TRMT11: variants seen among roughly 807,000 people sequenced by gnomAD.
TRMT11 encodes tRNA (guanine(10)-N(2))-methyltransferase TRMT11.
TRMT11 carries 53 observed loss-of-function variants against 62.8 expected under a neutral mutation model. That is an observed-to-expected ratio of 0.84 (90% confidence interval 0.68 to 1.06). The LOEUF (loss-of-function observed/expected upper bound fraction) is 1.06. Ranked by LOEUF, TRMT11 falls within the 50% of genes least tolerant of loss-of-function variation. TRMT11 has a pLI of 0.00. For synonymous variants in TRMT11, 188 were observed against 190.3 expected (o/e 0.99, Z 0.10); for missense variants, 556 against 553.4 (o/e 1.00, Z -0.05).
chr6:126,229,853 T>G, the TRMT11 span, among the ~76,000 whole-genome samples: 1 of 152,188 alleles, frequency 6.6e-6, no homozygotes, highest in Non-Finnish European at 1.5e-5. Context: ...AGAAGTTATA[T>G]TATGTAGTCT....
chr6:125,986,544 A>C lies in TRMT11; in HGVS notation c.-7A>C. The C allele has an allele frequency of 6.3e-7, 1 of 1,585,244 alleles. No homozygotes were observed. The highest frequency in any genetic ancestry group is 8.6e-7 in the Non-Finnish European group (1 of 1,168,366). The stretch of plus-strand genomic sequence containing the variant: ...CGGGCCGCGCAGGCGCACGGTGGGC[A>C]GCTGCAATGGCGCTGTCGTGTACCC... On this transcript the variant is annotated 5_prime_UTR_variant, in exon 1 of 13. Transcript: ENST00000334379.
intron 16 of TRMT11, among the ~76,000 whole-genome samples, chr6:126,050,431 A>T (rs1217136455): frequency 6.6e-6 from 1 of 152,016 alleles, no homozygotes; most frequent in African/African-American, 2.4e-5. Context: ...TGTCAGTTGC[A>T]GTGGCTCACG....
upstream of TRMT11, among the ~76,000 whole-genome samples, chr6:126,172,321 C>T (rs1035485990): frequency 6.6e-6 from 1 of 152,118 alleles, no homozygotes; most frequent in Non-Finnish European, 1.5e-5. Context: ...TTGGTCTGTT[C>T]TTGAGTGTTA....
intron 1 of TRMT11, among the ~76,000 whole-genome samples, chr6:126,190,060 T>G (rs940554477): frequency 6.6e-6 from 1 of 152,160 alleles, no homozygotes; most frequent in Non-Finnish European, 1.5e-5. Flanking sequence ...GTTGGAAACA[T>G]TATAATTTCT....
the TRMT11 span, among the ~76,000 whole-genome samples, chr6:126,216,100 T>C: frequency 6.6e-6 from 1 of 152,146 alleles, no homozygotes; most frequent in Non-Finnish European, 1.5e-5. Context: ...CTTTAGGTAA[T>C]TTATATTTCC....
At chr6:126,135,382 A>G (rs1777838671) in intron 21 of TRMT11, among the ~76,000 whole-genome samples, 1 of 151,786 alleles carries the variant, frequency 6.6e-6, no homozygotes, top group Non-Finnish European at 1.5e-5. Context: ...AAATTAGAAA[A>G]CTTAGAAGAA....
At chr6:126,007,254 T>G (rs571058375) in intron 7 of TRMT11, among the ~76,000 whole-genome samples, 3 of 152,126 alleles carry the variant, frequency 2.0e-5, no homozygotes, top group Non-Finnish European at 4.4e-5. Flanking sequence ...GTATTTTTAA[T>G]TCCATGCTAC....
intron 21 of TRMT11, among the ~76,000 whole-genome samples, chr6:126,146,150 A>G (rs1319187424): frequency 6.6e-6 from 1 of 152,216 alleles, no homozygotes; most frequent in African/African-American, 2.4e-5. Flanking sequence ...TGCATCTGCC[A>G]GTGACCTTTG....
rs1778173513 is a variant in TRMT11, at chr6:126,160,257, T to C, written c.*1824-14568T>C. On this transcript the variant is annotated intron_variant and NMD_transcript_variant, in intron 21 of 22. Coordinates refer to the TRMT11 transcript ENST00000648977. The stretch of plus-strand genomic sequence containing the variant: ...CAATTCACCTCACAAAGTGATTATA[T>C]GCTCTTAGGGAGACTTATTACTGAA... Among the ~76,000 whole-genome samples, 3 of 152,220 alleles carry C rather than the reference T, an allele frequency of 2.0e-5. No individual in the cohort carries two copies. In the South Asian group the frequency reaches 6.2e-4, roughly 32 times the overall value.
chr6:126,028,224 A>G (rs1773550903), intron 12 of TRMT11, among the ~76,000 whole-genome samples: 1 of 152,114 alleles, frequency 6.6e-6, no homozygotes, highest in Admixed American at 6.6e-5. Flanking sequence ...GGTATAAAAG[A>G]TTAGAGATTA....
chr6:126,064,596 A>G (rs990635146), intron 17 of TRMT11, among the ~76,000 whole-genome samples: 20 of 152,098 alleles, frequency 1.3e-4, no homozygotes, highest in Admixed American at 1.2e-3. Flanking sequence ...AAGATTAGAG[A>G]CAATTTTGAA....
chr6:126,185,022 T>G (rs562299819), intron 1 of TRMT11, among the ~76,000 whole-genome samples: 195 of 152,320 alleles, frequency 1.3e-3, no homozygotes, highest in Non-Finnish European at 2.4e-3. Flanking sequence ...TGAGATCATG[T>G]CTTTCTTCCT....
intron 21 of TRMT11, among the ~76,000 whole-genome samples, chr6:126,162,229 A>G (rs747973295): frequency 1.3e-4 from 19 of 151,964 alleles, no homozygotes; most frequent in Non-Finnish European, 2.5e-4. Context: ...TCTTGAGTTA[A>G]TTTTTGTATA....
chr6:126,169,874 A>G (rs1259394901), intron 21 of TRMT11, among the ~76,000 whole-genome samples: 4 of 152,150 alleles, frequency 2.6e-5, no homozygotes, highest in Non-Finnish European at 5.9e-5. Context: ...ATGAAATACA[A>G]CTTCTTTTCT....
At chr6:126,264,831 T>G in the TRMT11 span, among the ~76,000 whole-genome samples, 1 of 152,162 alleles carries the variant, frequency 6.6e-6, no homozygotes, top group African/African-American at 2.4e-5. Context: ...GCCTCCTTGT[T>G]GATTTTGGAT....
chr6:126,050,955 G>A (rs1402592490), intron 16 of TRMT11, among the ~76,000 whole-genome samples: 1 of 152,168 alleles, frequency 6.6e-6, no homozygotes, highest in Non-Finnish European at 1.5e-5. Flanking sequence ...TAGTTGTAGA[G>A]ATAAATAATC....
the TRMT11 span, among the ~76,000 whole-genome samples, chr6:126,264,588 T>C: frequency 6.6e-6 from 1 of 152,212 alleles, no homozygotes; most frequent in Non-Finnish European, 1.5e-5. Flanking sequence ...TGAAATTCAC[T>C]TTTAAATCAA....
chr6:126,162,322 C>T (rs1425182387), intron 21 of TRMT11, among the ~76,000 whole-genome samples: 1 of 152,176 alleles, frequency 6.6e-6, no homozygotes, highest in Admixed American at 6.5e-5. Flanking sequence ...ACAGGGAATT[C>T]TTTCCCCATT....
At chr6:126,189,045 G>T (rs1778563054) in intron 1 of TRMT11, among the ~76,000 whole-genome samples, 1 of 152,078 alleles carries the variant, frequency 6.6e-6, no homozygotes, top group East Asian at 1.9e-4. Context: ...TTATTTTGTG[G>T]ATTGGGAGAA....
Sources: allele counts gnomAD v4.1 joint callset (sites outside exome capture counted in the v4.1 genomes callset), GRCh38; gene constraint gnomAD v4.1.1; transcripts MANE v1.5; gene names NCBI Gene and HGNC (gene_info 2026-07-23, HGNC 2026-07-21).